The following EXOC6B variants were observed in gnomAD, a reference collection of about 807,000 sequenced individuals.
EXOC6B encodes SEC15 homolog B.
In EXOC6B, 54 loss-of-function variants were observed where a neutral mutation model predicts 113.5. That is an observed-to-expected ratio of 0.48 (90% CI 0.38 to 0.60). The LOEUF is 0.60. Among genes scored for constraint, EXOC6B ranks in the 20% least tolerant of loss-of-function variants. The pLI is 0.00. For synonymous variants in EXOC6B, 357 were observed against 339.0 expected (o/e 1.05, Z -0.58); for missense variants, 797 against 977.5 (o/e 0.82, Z 2.46).
At chr2:72,240,007 C>A (rs1030817125) in intron 20 of EXOC6B, among the ~76,000 whole-genome samples, 15 of 151,572 alleles carry the variant, frequency 9.9e-5, no homozygotes, top group African/African-American at 3.6e-4. Context: ...TATAATATAC[C>A]AAGGTACAAG....
At chr2:72,631,402 G>GTA (rs1217054340) in intron 6 of EXOC6B, among the ~76,000 whole-genome samples, 2 of 132,768 alleles carry the variant, frequency 1.5e-5, no homozygotes, top group Admixed American at 8.4e-5. Flanking sequence ...AGTAGTGTGT[G>GTA]TATATGTGTG....
intron 7 of EXOC6B, among the ~76,000 whole-genome samples, chr2:72,571,464 C>T (rs559891320): frequency 6.4e-4 from 98 of 151,974 alleles, no homozygotes; most frequent in Non-Finnish European, 1.3e-3. Context: ...TATAGTCCAA[C>T]CTTAATATAT....
rs996575287 is a variant in EXOC6B, at chr2:72,641,854, G to A, written c.670-66186C>T. Among the ~76,000 whole-genome samples the A allele has an allele frequency of 3.3e-5, 5 of 152,226 alleles. No homozygotes were observed. The East Asian group carries it at 9.6e-4, about 29-fold the overall frequency. ...ATACAGGAGGGTACCCCTCTGGGAC[G>A]AAGATTCCAGAGGAAGGATCAGGCA... On this transcript the variant is annotated intron_variant, in intron 6 of 21. Coordinates refer to ENST00000272427, the MANE Select transcript of EXOC6B (RefSeq NM_015189.3).
intron 18 of EXOC6B, among the ~76,000 whole-genome samples, chr2:72,401,476 C>A (rs1335024137): frequency 8.4e-6 from 1 of 119,518 alleles, no homozygotes; most frequent in Non-Finnish European, 1.7e-5. Flanking sequence ...AAAAAAAACA[C>A]AGAAAATATT....
chr2:72,420,201 A>AT (rs750371819), intron 18 of EXOC6B, among the ~76,000 whole-genome samples: 6 of 151,246 alleles, frequency 4.0e-5, no homozygotes, highest in East Asian at 1.9e-4. Context: ...CATTTCATTG[A>AT]TTTTTTTTCC....
intron 17 of EXOC6B, 58 bp from the exon 18 acceptor site, chr2:72,465,397 C>T: frequency 7.2e-7 from 1 of 1,387,818 alleles, no homozygotes; most frequent in South Asian, 1.4e-5. Context: ...GCAGAAATTT[C>T]TATGAGCTTA....
chr2:72,440,658 G>A (rs749572451), intron 18 of EXOC6B, among the ~76,000 whole-genome samples: 4 of 152,110 alleles, frequency 2.6e-5, no homozygotes, highest in African/African-American at 9.7e-5. Context: ...CATGAGGACA[G>A]GATCAAATCA....
intron 6 of EXOC6B, among the ~76,000 whole-genome samples, chr2:72,715,755 G>A (rs1195757661): frequency 1.3e-5 from 2 of 152,138 alleles, no homozygotes. Flanking sequence ...TATTGGGGGT[G>A]GGAGGAGACA....
chr2:72,386,091 C>A (rs1470943694), intron 18 of EXOC6B, among the ~76,000 whole-genome samples: 1 of 151,612 alleles, frequency 6.6e-6, no homozygotes, highest in Non-Finnish European at 1.5e-5. Flanking sequence ...TTCACAATAG[C>A]CAAAATATGA....
chr2:72,251,063 C>T (rs528052845), intron 20 of EXOC6B, among the ~76,000 whole-genome samples: 5 of 120,938 alleles, frequency 4.1e-5, no homozygotes, highest in Admixed American at 2.7e-4. Context: ...CGGGAGCTCA[C>T]GTAATCTGCC....
At chr2:72,736,551 C>A (rs1680978516) in intron 2 of EXOC6B, among the ~76,000 whole-genome samples, 1 of 152,250 alleles carries the variant, frequency 6.6e-6, no homozygotes, top group African/African-American at 2.4e-5. Flanking sequence ...AAACCAGTAG[C>A]CTCCAGTTCA....
chr2:72,217,213 A>G (rs1046702045), intron 20 of EXOC6B, among the ~76,000 whole-genome samples: 3 of 152,068 alleles, frequency 2.0e-5, no homozygotes, highest in African/African-American at 7.2e-5. Context: ...GATAATACCA[A>G]TATTCACAGG....
chr2:72,717,755 G>A (rs1420415252), intron 6 of EXOC6B, among the ~76,000 whole-genome samples: 3 of 152,018 alleles, frequency 2.0e-5, no homozygotes, highest in African/African-American at 4.8e-5. Context: ...GACACATGCA[G>A]TACAATTTAG....
chr2:72,718,008 A>G, intron 6 of EXOC6B, 95 bp downstream of exon 6: 1 of 844,560 alleles, frequency 1.2e-6, no homozygotes. Context: ...AGAAACTTGG[A>G]TAAGATAATG....
At chr2:72,220,001 G>A (rs1227399427) in intron 20 of EXOC6B, among the ~76,000 whole-genome samples, 1 of 152,062 alleles carries the variant, frequency 6.6e-6, no homozygotes, top group Non-Finnish European at 1.5e-5. Context: ...ACCTTTTTGT[G>A]ACTAATCTCC....
intron 6 of EXOC6B, among the ~76,000 whole-genome samples, chr2:72,672,073 T>G (rs1349582777): frequency 6.6e-6 from 1 of 151,918 alleles, no homozygotes; most frequent in Non-Finnish European, 1.5e-5. Context: ...GAGGACGGGG[T>G]ACCCTCATAC....
intron 6 of EXOC6B, among the ~76,000 whole-genome samples, chr2:72,659,090 T>C (rs1434533662): frequency 1.3e-5 from 2 of 152,134 alleles, no homozygotes; most frequent in Non-Finnish European, 2.9e-5. Context: ...GTATCTCAAA[T>C]TATTTTTGGA....
intron 20 of EXOC6B, among the ~76,000 whole-genome samples, chr2:72,286,095 C>A (rs1276967527): frequency 6.6e-6 from 1 of 152,116 alleles, no homozygotes; most frequent in Non-Finnish European, 1.5e-5. Flanking sequence ...TGGTTTCTTA[C>A]AAAACTAAAC....
At chr2:72,358,293 T>C (rs144100792) in intron 19 of EXOC6B, among the ~76,000 whole-genome samples, 1 of 152,110 alleles carries the variant, frequency 6.6e-6, no homozygotes, top group Non-Finnish European at 1.5e-5. Flanking sequence ...AATCTTAATA[T>C]CTTGGAACTA....
Sources: gnomAD v4.1 joint callset for allele counts (sites outside exome capture counted in the v4.1 genomes callset) on GRCh38, gnomAD v4.1.1 for gene constraint, MANE v1.5 for transcripts, NCBI Gene and HGNC (gene_info 2026-07-23, HGNC 2026-07-21) for gene names.